The following PELP1 variants were observed in gnomAD, a reference collection of about 807,000 sequenced individuals.
PELP1 encodes proline, glutamate and leucine rich protein 1, also known as proline-, glutamic acid- and leucine-rich protein 1.
In PELP1, 32 loss-of-function variants were observed where a neutral mutation model predicts 95.5. That is an observed-to-expected ratio of 0.34 (90% CI 0.25 to 0.45). The LOEUF (loss-of-function observed/expected upper bound fraction) is 0.45. PELP1 is among the 20% of genes least tolerant of loss of function. The pLI is 1.00. For missense variants in PELP1, 1,358 were observed against 1,444.8 expected (o/e 0.94, Z 0.97); for synonymous variants, 668 against 600.1 (o/e 1.11, Z -1.65).
intron 5 of PELP1, among the ~76,000 whole-genome samples, chr17:4,677,729 G>C (rs1048836278): frequency 6.6e-6 from 1 of 152,122 alleles, no homozygotes; most frequent in Non-Finnish European, 1.5e-5. Context: ...AGGAGTTTGA[G>C]ACCAGTCTGG....
intron 1 of PELP1, among the ~76,000 whole-genome samples, chr17:4,699,416 T>C (rs952142807): frequency 3.9e-5 from 6 of 152,074 alleles, no homozygotes; most frequent in African/African-American, 1.4e-4. Flanking sequence ...AGGAGAAGGG[T>C]ATATATTGAA....
intron 7 of PELP1, 21 bp from the exon 8 acceptor site, chr17:4,676,183 C>A: frequency 6.2e-7 from 1 of 1,612,158 alleles, no homozygotes; most frequent in South Asian, 1.1e-5. Context: ...CACAACTACC[C>A]TGTACACTGT....
chr17:4,679,802 G>A (rs534858442), intron 5 of PELP1, among the ~76,000 whole-genome samples: 3 of 152,160 alleles, frequency 2.0e-5, no homozygotes, highest in African/African-American at 7.2e-5. Flanking sequence ...TATTAGCTGT[G>A]ATTAGAGGCA....
chr17:4,704,104 G>A lies in PELP1; in HGVS notation c.8C>T (p.Ala3Val), dbSNP rs1913678030. The change falls in exon 1 of 17, where the codon GCA (alanine) becomes GTA (valine). Residue 3 changes from alanine (A) to valine (V), a missense_variant. Coordinates refer to ENST00000572293, the MANE Select transcript of PELP1 (RefSeq NM_014389.3). MA[A>V]AVLSGPSAGS... ...CGCAGAGGGCCCACTCAGAACGGCT[G>A]CCGCCATCTTCCCCCGGGTTCCAGT... 5 of 1,606,666 alleles carry A rather than the reference G, an allele frequency of 3.1e-6. No individual in the cohort carries two copies. The highest frequency in any genetic ancestry group is 4.2e-6 in the Non-Finnish European group (5 of 1,177,926).
chr17:4,680,890 GC>G (rs1167334101), intron 5 of PELP1, among the ~76,000 whole-genome samples: 2 of 152,182 alleles, frequency 1.3e-5, no homozygotes, highest in Admixed American at 6.5e-5. Context: ...AACTGTGACT[GC>G]TTAGGCAGAA....
intron 13 of PELP1, 129 bp downstream of exon 13, chr17:4,674,381 C>T (rs939095241): frequency 2.5e-5 from 20 of 797,790 alleles, no homozygotes; most frequent in African/African-American, 3.5e-5. Flanking sequence ...TCGCAGTGGA[C>T]GAAGGCTGGT....
Position 4,672,095 on chromosome 17 carries a change from C to A in PELP1, c.2896G>T (p.Gly966Cys). 6.4e-7 allele frequency: 1 copy of A among 1,554,654 alleles called. No individual in the cohort carries two copies. Among genetic ancestry groups the A allele is most frequent in the Non-Finnish European group, 8.7e-7 (1 of 1,148,636 alleles). The change falls in exon 16 of 17, where the codon GGC (glycine) becomes TGC (cysteine). Residue 966 changes from glycine (G) to cysteine (C), a missense_variant. Gly to Cys is a radical substitution (Grantham distance 159). Around this residue, in one of 7 missense-constraint regions of PELP1, gnomAD observed 283 missense variants for 284.1 expected, o/e 1.00. Transcript: ENST00000572293. Reference sequence around the variant, plus strand: ...TCTTCTACCTCCCCTCCTGCTGTGCCAAACTCCAGGTCTTCCACCTCTTCC... The same window carrying A: ...TCTTCTACCTCCCCTCCTGCTGTGCAAAACTCCAGGTCTTCCACCTCTTCC... ...ELEEVEDLEF[G>C]TAGGEVEEGA...
intron 5 of PELP1, among the ~76,000 whole-genome samples, chr17:4,679,514 C>T (rs1912617583): frequency 6.6e-6 from 1 of 152,180 alleles, no homozygotes; most frequent in Non-Finnish European, 1.5e-5. Flanking sequence ...CACTCAATTT[C>T]CCCTCCACTT....
rs558338750 is a variant in PELP1 at position 4,673,465 on chromosome 17, G to T, written c.1639-9C>A. 2.1e-4 allele frequency: 326 copies of T among 1,586,294 alleles called. 3 individuals are homozygous for T. In the South Asian group the frequency reaches 3.4e-3, roughly 17 times the overall value. On this transcript the variant is annotated splice_polypyrimidine_tract_variant and intron_variant, in intron 14 of 16. Transcript: ENST00000572293. The surrounding 1 kb of genome is among the most constrained non-coding windows in gnomAD (Gnocchi z 5.7). ...ACCAGGTCATGCAGTCTCTGAAAAG[G>T]ACAGAGCACACCTGGAAACATCCCC...
intron 5 of PELP1, among the ~76,000 whole-genome samples, chr17:4,681,112 A>T (rs1912667733): frequency 6.6e-6 from 1 of 152,208 alleles, no homozygotes; most frequent in African/African-American, 2.4e-5. Flanking sequence ...TATACACAGA[A>T]AGAAGTGTTA....
rs1359536002 is a variant in PELP1 at position 4,704,100 on chromosome 17, G to A, written c.12C>T (p.Ala4=). 6 of 1,607,248 alleles carry A rather than the reference G, an allele frequency of 3.7e-6. No homozygotes were observed. The highest frequency in any genetic ancestry group is 5.1e-6 in the Non-Finnish European group (6 of 1,177,988). Residue 4 remains alanine (A), a synonymous_variant, in exon 1 of 17, where the codon GCC becomes GCT. Coordinates refer to ENST00000572293, the MANE Select transcript of PELP1 (RefSeq NM_014389.3). MAA[A]VLSGPSAGSA... ...AGCCCGCAGAGGGCCCACTCAGAACGGCTGCCGCCATCTTCCCCCGGGTTC... is the reference window on the plus strand; with the variant it reads ...AGCCCGCAGAGGGCCCACTCAGAACAGCTGCCGCCATCTTCCCCCGGGTTC...
chr17:4,697,126 T>C (rs1055578686), intron 1 of PELP1, among the ~76,000 whole-genome samples: 1 of 151,974 alleles, frequency 6.6e-6, no homozygotes, highest in African/African-American at 2.4e-5. Flanking sequence ...AAGGCCTGGG[T>C]TGTAGGCACT....
At position 4,676,765 on chromosome 17, in the gene PELP1, A is replaced by T. The variant is rs1219304805; in HGVS notation, c.690T>A (p.Pro230=). The change falls in exon 6 of 17, where the codon CCT becomes CCA. Residue 230 remains proline (P), a synonymous_variant. Coordinates refer to ENST00000572293, the MANE Select transcript of PELP1 (RefSeq NM_014389.3). ...FFLSRVDALS[P]QLQQLACECY... is the part of the protein sequence containing the mutation. Reference sequence around the variant, plus strand: ...CCCTGCCCTTTACCTGTTGGAGCTGAGGGCTCAAGGCATCCACCCTAGACA... The same window carrying T: ...CCCTGCCCTTTACCTGTTGGAGCTGTGGGCTCAAGGCATCCACCCTAGACA... The T allele has an allele frequency of 6.4e-7, 1 of 1,569,920 alleles. No individual in the cohort carries two copies. The highest frequency in any genetic ancestry group is 8.6e-7 in the Non-Finnish European group (1 of 1,157,022).
intron 4 of PELP1, 74 bp from the exon 5 acceptor site, chr17:4,682,647 C>G (rs980530597): frequency 1.4e-6 from 2 of 1,445,368 alleles, no homozygotes; most frequent in Non-Finnish European, 1.9e-6. Context: ...CCCAGCACCC[C>G]ACAAGGGCCC....
intron 1 of PELP1, chr17:4,691,741 C>A: frequency 2.6e-6 from 1 of 386,940 alleles, no homozygotes; most frequent in Middle Eastern, 7.2e-4. Context: ...AAAGATGGGT[C>A]TGCTTCACCT....
At chr17:4,682,766 G>C (rs765168344) in intron 4 of PELP1, 37 bp downstream of exon 4, 1 of 1,534,082 alleles carries the variant, frequency 6.5e-7, no homozygotes, top group Non-Finnish European at 8.8e-7. Context: ...TGAGGACTGC[G>C]GGGGGCCATG....
chr17:4,672,288 C>T lies in PELP1; in HGVS notation c.2703G>A (p.Glu901=), dbSNP rs199660748. The T allele has an allele frequency of 3.9e-6, 6 of 1,549,336 alleles. No homozygotes were observed. Among genetic ancestry groups the T allele is most frequent in the African/African-American group, 2.8e-5 (2 of 72,622 alleles). ...EEEEEEEEEE[E]EEEEEEEDFE... ...AGTCTTCCTCCTCTTCCTCTTCTTC[C>T]TCTTCTTCTTCTTCCTCTTCTTCCT... The change falls in exon 16 of 17, where the codon GAG becomes GAA. Residue 901 remains glutamate, a synonymous_variant. Transcript: ENST00000572293.
rs1324947376 is a variant in PELP1 at position 4,676,144 on chromosome 17, C to T, written c.872G>A (p.Gly291Asp). The T allele has an allele frequency of 1.2e-6, 2 of 1,613,856 alleles. No individual in the cohort carries two copies. Among genetic ancestry groups the T allele is most frequent in the Non-Finnish European group, 8.5e-7 (1 of 1,179,866 alleles). Residue 291 changes from glycine (G) to aspartate (D), a missense_variant, in exon 8 of 17, where the codon GGC becomes GAC. Physicochemically the swap from Gly to Asp is moderately conservative, Grantham distance 94. Coordinates refer to ENST00000572293, the MANE Select transcript of PELP1 (RefSeq NM_014389.3). ...GAETAPVQNE[G>D]PGVEMLLSSE... ...GGACAGCAGCATCTCCACCCCAGGG[C>T]CTTCATTCTGCACAGGAGCTGGCAG...
chr17:4,671,180 C>A lies in PELP1; in HGVS notation c.*259G>T. 1 of 530,388 alleles carries A rather than the reference C, an allele frequency of 1.9e-6. No individual in the cohort carries two copies. Among genetic ancestry groups the A allele is most frequent in the Non-Finnish European group, 3.4e-6 (1 of 296,660 alleles). The allele number at this position is 530,388 out of a possible 1,614,324, so 32.9% of individuals were successfully genotyped here. ...ACACACAATTCTGCACGTTTAGCAT[C>A]CAGCCAGAATCCTACAATTCTGACA... On this transcript the variant is annotated 3_prime_UTR_variant, in exon 17 of 17. Transcript: ENST00000572293.
Sources: allele counts gnomAD v4.1 joint callset (sites outside exome capture counted in the v4.1 genomes callset), GRCh38; gene constraint gnomAD v4.1.1; regional missense constraint gnomAD v4.1.1; non-coding constraint Gnocchi (gnomAD v3.1); transcripts MANE v1.5; gene names NCBI Gene and HGNC (gene_info 2026-07-23, HGNC 2026-07-21).